The following TNP2 variants were observed in gnomAD, a reference collection of about 807,000 sequenced individuals.
TNP2 encodes nuclear transition protein 2.
TNP2 carries 10 observed loss-of-function variants against 8.5 expected under a neutral mutation model. The observed-to-expected ratio is 1.17, with a 90% CI of 0.72 to 1.99. TNP2 has a LOEUF of 1.99. Ranked by LOEUF, TNP2 falls within the 30% of genes most tolerant of loss-of-function variation. The pLI is 0.00. For missense variants in TNP2, 222 were observed against 181.2 expected (o/e 1.23, Z -1.29); for synonymous variants, 80 against 62.3 (o/e 1.28, Z -1.34).
At chr16:11,268,289 C>T in intron 1 of TNP2, 1 of 405,430 alleles carries the variant, frequency 2.5e-6, no homozygotes, top group East Asian at 4.4e-5. Context: ...GTCTAGATAT[C>T]TATTCTTCTC....
At position 11,269,177 on chromosome 16, in the gene TNP2, T is replaced by C. The variant is rs763499722; in HGVS notation, c.86A>G (p.His29Arg). 9.9e-6 allele frequency: 16 copies of C among 1,613,214 alleles called. No homozygotes were observed. In the South Asian group the frequency reaches 1.3e-4, roughly 13 times the overall value. The change falls in exon 1 of 2, where the codon CAT becomes CGT. Residue 29 changes from histidine (H) to arginine (R), a missense_variant. Coordinates refer to ENST00000312693, the MANE Select transcript of TNP2 (RefSeq NM_005425.5). ...SQPQSRTCTR[H>R]CQTFSQSCRQ... is the part of the protein sequence containing the mutation. ...GCAACTCTGGCTGAAGGTTTGGCAATGGCGGGTGCAGGTGCGGCTTTGGGG... is the reference window on the plus strand; with the variant it reads ...GCAACTCTGGCTGAAGGTTTGGCAACGGCGGGTGCAGGTGCGGCTTTGGGG...
In TNP2 at chr16:11,267,890, C is replaced by A; in HGVS notation, c.*106G>T. ...CAGGTACAAGCTTTAATTAGTGTTGCGTAGAAATCACCATAGTAACATGTT... is the reference window on the plus strand; with the variant it reads ...CAGGTACAAGCTTTAATTAGTGTTGAGTAGAAATCACCATAGTAACATGTT... On this transcript the variant is annotated 3_prime_UTR_variant, in exon 2 of 2. Transcript: ENST00000312693. 2 of 1,250,112 alleles carry A rather than the reference C, an allele frequency of 1.6e-6. No homozygotes were observed. Among genetic ancestry groups the A allele is most frequent in the Non-Finnish European group, 2.3e-6 (2 of 881,402 alleles). 77.4% of individuals were successfully genotyped at this position (1,250,112 alleles called of 1,614,324 possible).
rs764965008 is a variant in TNP2 at position 11,269,188 on chromosome 16, G to T, written c.75C>A (p.Thr25=). The T allele has an allele frequency of 3.2e-5, 52 of 1,612,192 alleles. 1 individual carries two copies. The South Asian group carries it at 4.8e-4, about 15-fold the overall frequency. Residue 25 remains threonine, a synonymous_variant, in exon 1 of 2, where the codon ACC becomes ACA. Transcript: ENST00000312693. ...TGAAGGTTTGGCAATGGCGGGTGCA[G>T]GTGCGGCTTTGGGGCTGAGAGTTGC... The part of the protein sequence containing the change: ...LHSNSQPQSR[T]CTRHCQTFSQ...
intron 1 of TNP2, 87 bp downstream of exon 1, chr16:11,268,776 G>A (rs2069743796): frequency 1.4e-6 from 2 of 1,398,362 alleles, no homozygotes; most frequent in African/African-American, 2.9e-5. Context: ...TTTGTGACCT[G>A]GCTGCAGCCT....
intron 1 of TNP2, chr16:11,268,469 T>A (rs1469801143): frequency 3.0e-6 from 1 of 338,548 alleles, no homozygotes; most frequent in Non-Finnish European, 5.4e-6. Context: ...AGCCAGCCAG[T>A]GCATTCATCC....
rs1487908572 is a variant in TNP2 at position 11,269,050 on chromosome 16, C to G, written c.213G>C (p.Gln71His). The stretch of plus-strand genomic sequence containing the variant: ...TTGGTGGTGGACTAGTGTTGGGACT[C>G]TGGCTCTGGTGGCCGGATGAGCTGT... ...GAHSSSGHQS[Q>H]SPNTSPPPKR... is the part of the protein sequence containing the mutation. Residue 71 changes from glutamine to histidine, a missense_variant, in exon 1 of 2, where the codon CAG becomes CAC. Gln to His is a conservative substitution (Grantham distance 24, BLOSUM62 0). Coordinates refer to ENST00000312693, the MANE Select transcript of TNP2 (RefSeq NM_005425.5). 3 of 1,613,954 alleles carry G rather than the reference C, an allele frequency of 1.9e-6. No individual in the cohort carries two copies. Among genetic ancestry groups the G allele is most frequent in the Non-Finnish European group, 2.5e-6 (3 of 1,179,882 alleles).
At chr16:11,268,494 C>T (rs11640282) in intron 1 of TNP2, 15,162 of 366,644 alleles carry the variant, frequency 0.041, 481 homozygotes, top group Middle Eastern at 0.084. Flanking sequence ...ATCCATCCAT[C>T]CAGCTAATCG....
chr16:11,268,068 G>C lies in TNP2; in HGVS notation c.401-56C>G, dbSNP rs550789554. ...AATAGCTGAGCACTTCATGAAGTCAGTGACCTCCTTGACCTCCTGTAAGGT... is the reference window on the plus strand; with the variant it reads ...AATAGCTGAGCACTTCATGAAGTCACTGACCTCCTTGACCTCCTGTAAGGT... On this transcript the variant is annotated intron_variant, in intron 1 of 1. Transcript: ENST00000312693. The C allele has an allele frequency of 2.4e-5, 37 of 1,568,578 alleles. No individual in the cohort carries two copies. In the South Asian group the frequency reaches 3.4e-4, roughly 14 times the overall value.
rs759928140 is a variant in TNP2 at position 11,268,887 on chromosome 16, A to C, written c.376T>G (p.Tyr126Asp). ...KKMAKRIQQV[Y>D]KTKTRSSGWK... ...CCTGAGCTCCGCGTCTTGGTTTTGT[A>C]CACCTGCTGGATCCTCTTGGCCATT... The change falls in exon 1 of 2, where the codon TAC becomes GAC. Residue 126 changes from tyrosine to aspartate, a missense_variant. Physicochemically the swap from Tyr to Asp is radical, Grantham distance 160. Coordinates refer to ENST00000312693, the MANE Select transcript of TNP2 (RefSeq NM_005425.5). 6.3e-7 allele frequency: 1 copy of C among 1,594,574 alleles called. No individual in the cohort carries two copies. The highest frequency in any genetic ancestry group is 1.1e-5 in the South Asian group (1 of 88,288).
At position 11,269,136 on chromosome 16, in the gene TNP2, C is replaced by CA; in HGVS notation, c.126dup (p.Gly43TrpfsTer34). On this transcript the variant is annotated frameshift_variant, in exon 1 of 2. Coordinates refer to ENST00000312693, the MANE Select transcript of TNP2 (RefSeq NM_005425.5). LOFTEE classifies it high-confidence loss of function. ...TGGCTGGAGCTCTGGCTCCGGCTGC[C>CA]ACGATGGCTCTGTCTGCAACTCTGG... 1 of 1,613,974 alleles carries CA rather than the reference C, an allele frequency of 6.2e-7. No individual in the cohort carries two copies.
intron 1 of TNP2, chr16:11,268,478 C>G (rs961544207): frequency 5.7e-6 from 2 of 349,482 alleles, no homozygotes; most frequent in Non-Finnish European, 1.0e-5. Flanking sequence ...GTGCATTCAT[C>G]CATTTATCCA....
At chr16:11,268,350 A>C (rs1481104342) in intron 1 of TNP2, 2 of 273,908 alleles carry the variant, frequency 7.3e-6, no homozygotes, top group African/African-American at 2.2e-5. Context: ...TATTTAACCA[A>C]TCAAACCAAC....
At chr16:11,268,335 G>C (rs577231787) in intron 1 of TNP2, 54 of 289,654 alleles carry the variant, frequency 1.9e-4, no homozygotes, top group African/African-American at 1.1e-3. Context: ...ACTCTATTAA[G>C]ATAATATTTA....
At chr16:11,268,435 A>C (rs1031002052) in intron 1 of TNP2, 6 of 310,152 alleles carry the variant, frequency 1.9e-5, no homozygotes, top group Non-Finnish European at 3.0e-5. Context: ...CAAACTGATC[A>C]TCTACCTAAC....
intron 1 of TNP2, 137 bp downstream of exon 1, chr16:11,268,726 A>T: frequency 1.1e-6 from 1 of 918,638 alleles, no homozygotes; most frequent in Non-Finnish European, 1.6e-6. Context: ...GCCAACTGCC[A>T]TTGTTTCTCT....
intron 1 of TNP2, chr16:11,268,294 C>T: frequency 2.5e-6 from 1 of 401,344 alleles, no homozygotes; most frequent in South Asian, 3.2e-5. Context: ...GATATCTATT[C>T]TTCTCTCTGT....
At position 11,269,046 on chromosome 16, in the gene TNP2, G is replaced by A. The variant is rs777206755; in HGVS notation, c.217C>T (p.Pro73Ser). ...HSSSGHQSQS[P>S]NTSPPPKRHK... ...CGCTTTGGTGGTGGACTAGTGTTGG[G>A]ACTCTGGCTCTGGTGGCCGGATGAG... is the stretch of plus-strand genomic sequence containing the variant. The change falls in exon 1 of 2, where the codon CCC becomes TCC. Residue 73 changes from proline to serine, a missense_variant. Transcript: ENST00000312693. The A allele has an allele frequency of 1.2e-6, 2 of 1,613,822 alleles. No homozygotes were observed. The highest frequency in any genetic ancestry group is 2.7e-5 in the African/African-American group (2 of 74,906).
At position 11,269,054 on chromosome 16, in the gene TNP2, C is replaced by G. The variant is rs200115182; in HGVS notation, c.209G>C (p.Ser70Thr). The G allele has an allele frequency of 8.7e-5, 141 of 1,613,938 alleles. No homozygotes were observed. The African/African-American group carries it at 1.7e-3, about 20-fold the overall frequency. Reference protein sequence around the residue: ...TGAHSSSGHQSQSPNTSPPPK... With the variant: ...TGAHSSSGHQTQSPNTSPPPK... ...TGGTGGACTAGTGTTGGGACTCTGG[C>G]TCTGGTGGCCGGATGAGCTGTGGGC... The change falls in exon 1 of 2, where the codon AGC (serine) becomes ACC (threonine). Residue 70 changes from serine to threonine, a missense_variant. Coordinates refer to ENST00000312693, the MANE Select transcript of TNP2 (RefSeq NM_005425.5).
chr16:11,269,233 G>C lies in TNP2; in HGVS notation c.30C>G (p.Ile10Met). The change falls in exon 1 of 2, where the codon ATC (isoleucine) becomes ATG (methionine). Residue 10 changes from isoleucine to methionine, a missense_variant. Coordinates refer to ENST00000312693, the MANE Select transcript of TNP2 (RefSeq NM_005425.5). MDTQTHSLP[I>M]THTQLHSNSQ... ...AGTTGCTATGGAGCTGAGTGTGGGT[G>C]ATAGGAAGGCTGTGAGTCTGGGTGT... The C allele has an allele frequency of 6.2e-7, 1 of 1,604,704 alleles. No individual in the cohort carries two copies. Among genetic ancestry groups the C allele is most frequent in the Non-Finnish European group, 8.5e-7 (1 of 1,179,786 alleles).
Sources: gnomAD v4.1 joint callset for allele counts on GRCh38, gnomAD v4.1.1 for gene constraint, MANE v1.5 for transcripts, NCBI Gene and HGNC (gene_info 2026-07-23, HGNC 2026-07-21) for gene names.